The following CACNA2D3 variants were observed in gnomAD, a reference collection of about 807,000 sequenced individuals.
The protein encoded by CACNA2D3 is voltage-dependent calcium channel subunit alpha-2/delta-3.
A neutral mutation model predicts 160.6 loss-of-function variants in CACNA2D3; 60 were observed. The ratio of observed to expected loss-of-function variants is 0.37; its 90% CI spans 0.30 to 0.46. The LOEUF (loss-of-function observed/expected upper bound fraction) is 0.46, where lower values mean the gene tolerates loss of function less well. CACNA2D3 is among the 20% of genes least tolerant of loss of function. CACNA2D3 has a pLI of 1.00. For synonymous variants in CACNA2D3, 558 were observed against 492.9 expected (o/e 1.13, Z -1.75); for missense variants, 1,205 against 1,365.0 (o/e 0.88, Z 1.85).
At chr3:54,413,597 C>T (rs1338565135) in intron 4 of CACNA2D3, among the ~76,000 whole-genome samples, 2 of 151,268 alleles carry the variant, frequency 1.3e-5, no homozygotes, top group African/African-American at 2.4e-5. Context: ...TTAATATCCT[C>T]ACTGTGGCTC....
At chr3:54,815,041 T>G (rs1703415832) in intron 13 of CACNA2D3, among the ~76,000 whole-genome samples, 1 of 152,240 alleles carries the variant, frequency 6.6e-6, no homozygotes. Context: ...TTTCCTGTTG[T>G]GTGAAAAGAT....
chr3:54,831,099 A>G (rs1222441790), intron 14 of CACNA2D3, among the ~76,000 whole-genome samples: 2 of 152,220 alleles, frequency 1.3e-5, no homozygotes, highest in East Asian at 1.9e-4. Context: ...AAGAAATATG[A>G]TATTTGATGA....
At chr3:54,633,458 G>C (rs1294350116) in intron 10 of CACNA2D3, 2 of 152,146 alleles carry the variant, frequency 1.3e-5, no homozygotes, top group East Asian at 1.9e-4. Flanking sequence ...CGAAAGTTTA[G>C]GCTTGCAGAA....
chr3:54,885,255 A>C (rs750999895), intron 21 of CACNA2D3, 26 bp from the exon 22 acceptor site: 8 of 1,613,204 alleles, frequency 5.0e-6, no homozygotes, highest in Non-Finnish European at 6.8e-6. Context: ...ATACTTATTC[A>C]TGAACCCCTT....
chr3:55,057,786 A>G (rs1704401234), intron 35 of CACNA2D3, among the ~76,000 whole-genome samples: 1 of 152,056 alleles, frequency 6.6e-6, no homozygotes, highest in Non-Finnish European at 1.5e-5. Flanking sequence ...TTTATTGCAT[A>G]TTGATATTCT....
At chr3:54,896,613 C>G (rs79621910) in intron 25 of CACNA2D3, 136 bp from the exon 26 acceptor site, 100,147 of 959,264 alleles carry the variant, frequency 0.1, 5,877 homozygotes, top group African/African-American at 0.14. Flanking sequence ...AGTGAGGCCC[C>G]CTCTATACTG....
chr3:54,140,368 G>T (rs1261270303), intron 2 of CACNA2D3, among the ~76,000 whole-genome samples: 1 of 152,210 alleles, frequency 6.6e-6, no homozygotes, highest in East Asian at 1.9e-4. Context: ...AGGTTCTCCA[G>T]TGCTCAGCAA....
intron 4 of CACNA2D3, among the ~76,000 whole-genome samples, chr3:54,492,518 C>T (rs902600790): frequency 4.6e-5 from 7 of 152,182 alleles, no homozygotes; most frequent in African/African-American, 1.4e-4. Flanking sequence ...TGGCCTCACC[C>T]GGCCTGAAGA....
intron 4 of CACNA2D3, among the ~76,000 whole-genome samples, chr3:54,453,605 G>A (rs1700346985): frequency 6.6e-6 from 1 of 152,136 alleles, no homozygotes; most frequent in African/African-American, 2.4e-5. Flanking sequence ...ATATTCATGG[G>A]TAGTTCAGAT....
chr3:54,441,890 C>G (rs757736166), intron 4 of CACNA2D3, among the ~76,000 whole-genome samples: 28 of 152,180 alleles, frequency 1.8e-4, no homozygotes, highest in South Asian at 8.3e-4. Flanking sequence ...ATTCAAGTCT[C>G]TACTTATGCA....
chr3:54,798,887 G>A (rs1251337501), intron 13 of CACNA2D3, among the ~76,000 whole-genome samples: 2 of 152,156 alleles, frequency 1.3e-5, no homozygotes, highest in African/African-American at 4.8e-5. Flanking sequence ...CCAGACCTGA[G>A]CCTTTTGCCC....
At chr3:54,446,102 G>A (rs1474495201) in intron 4 of CACNA2D3, among the ~76,000 whole-genome samples, 3 of 152,176 alleles carry the variant, frequency 2.0e-5, no homozygotes, top group Non-Finnish European at 1.5e-5. Context: ...AAGAGAACAT[G>A]TTTTCGGGGA....
At chr3:54,797,152 A>G (rs1702880881) in intron 13 of CACNA2D3, among the ~76,000 whole-genome samples, 1 of 152,224 alleles carries the variant, frequency 6.6e-6, no homozygotes, top group Admixed American at 6.5e-5. Flanking sequence ...GTAAATTTAC[A>G]CTGGAACAAG....
chr3:54,965,731 A>G (rs1391028760), intron 27 of CACNA2D3, among the ~76,000 whole-genome samples: 2 of 152,198 alleles, frequency 1.3e-5, no homozygotes, highest in Non-Finnish European at 2.9e-5. Context: ...GCCAGGGGCC[A>G]GTGTTACTGG....
intron 31 of CACNA2D3, among the ~76,000 whole-genome samples, chr3:55,003,184 A>G (rs1703019829): frequency 1.3e-5 from 2 of 152,320 alleles, no homozygotes; most frequent in African/African-American, 2.4e-5. Flanking sequence ...AATTTCATCC[A>G]GTCATGTAGA....
rs1248113748 is a variant in CACNA2D3, at chr3:54,320,444, A to G, written c.207A>G (p.Lys69=). 1.3e-6 allele frequency: 2 copies of G among 1,507,964 alleles called. No individual in the cohort carries two copies. Among genetic ancestry groups the G allele is most frequent in the Non-Finnish European group, 1.8e-6 (2 of 1,109,314 alleles). 93.4% of individuals were successfully genotyped at this position (1,507,964 alleles called of 1,614,324 possible). A position where few individuals can be genotyped will look rare whatever the true frequency, so the allele number is the denominator to read the frequency against. Residue 69 remains lysine (K), a splice_region_variant and synonymous_variant, in exon 3 of 38, where the codon AAA becomes AAG. Coordinates refer to ENST00000474759, the MANE Select transcript of CACNA2D3 (RefSeq NM_018398.3). ...KYSGSQLLQK[K]YKEYEKDVAI... is the part of the protein sequence containing the mutation. ...AATGTTGCCCTCTCTTCTTACAGAA[A>G]TACAAAGAGTATGAGAAAGACGTTG...
intron 13 of CACNA2D3, among the ~76,000 whole-genome samples, chr3:54,779,609 G>T (rs1702494248): frequency 6.6e-6 from 1 of 152,102 alleles, no homozygotes; most frequent in South Asian, 2.1e-4. Context: ...AGCTGTGCTG[G>T]TCACCTTTTA....
chr3:54,250,460 G>A (rs1702166384), intron 2 of CACNA2D3, among the ~76,000 whole-genome samples: 2 of 151,922 alleles, frequency 1.3e-5, no homozygotes, highest in Non-Finnish European at 2.9e-5. Flanking sequence ...AAGGAGCAAG[G>A]TCTTGCTTTG....
chr3:54,468,038 A>G (rs534030496), intron 4 of CACNA2D3, among the ~76,000 whole-genome samples: 103 of 152,322 alleles, frequency 6.8e-4, no homozygotes, highest in African/African-American at 2.5e-3. Context: ...AAATTGAAAC[A>G]AAAAATGGAG....
Sources: gnomAD v4.1 joint callset for allele counts (sites outside exome capture counted in the v4.1 genomes callset) on GRCh38, gnomAD v4.1.1 for gene constraint, MANE v1.5 for transcripts, NCBI Gene and HGNC (gene_info 2026-07-23, HGNC 2026-07-21) for gene names.